Variants in FBXL19 observed in about 807,000 individuals in gnomAD.
The protein encoded by FBXL19 is F-box and leucine rich repeat protein 19.
FBXL19 carries 16 observed loss-of-function variants against 71.2 expected under a neutral mutation model. The ratio of observed to expected loss-of-function variants is 0.22; its 90% confidence interval spans 0.15 to 0.34. FBXL19 has a LOEUF of 0.34. Ranked by LOEUF, FBXL19 falls within the 10% of genes least tolerant of loss-of-function variation. The probability of loss-of-function intolerance (pLI) is 1.00; values close to 1 mark genes in which losing one functional copy is unlikely to be tolerated. For synonymous variants in FBXL19, 447 were observed against 409.4 expected (o/e 1.09, Z -1.11); for missense variants, 658 against 968.2 (o/e 0.68, Z 4.25).
At position 30,924,208 on chromosome 16, in the gene FBXL19, C is replaced by T. The variant is rs1209754833; in HGVS notation, c.-276C>T. ...TGGGGGGGCTGAGGGACTGAGCCTCCCAGAGCAGGACCTCCCCCTGGAAGG... is the reference window on the plus strand; with the variant it reads ...TGGGGGGGCTGAGGGACTGAGCCTCTCAGAGCAGGACCTCCCCCTGGAAGG... On this transcript the variant is annotated 5_prime_UTR_variant, in exon 1 of 11. Transcript: ENST00000338343. 6.6e-6 allele frequency: 1 copy of T among 152,114 alleles called. No homozygotes were observed. Among genetic ancestry groups the T allele is most frequent in the Non-Finnish European group, 1.5e-5 (1 of 68,060 alleles). The allele number at this position is 152,114 out of a possible 1,614,324, so 9.4% of individuals were successfully genotyped here. A position where few individuals can be genotyped will look rare whatever the true frequency, so the allele number is the denominator to read the frequency against.
chr16:30,943,236 T>G (rs1367218364), intron 9 of FBXL19, among the ~76,000 whole-genome samples: 1 of 152,212 alleles, frequency 6.6e-6, no homozygotes, highest in Non-Finnish European at 1.5e-5. Context: ...TCACCCAGAC[T>G]GGAGTGCAGT....
rs1596651395 is a variant in FBXL19 at position 30,930,284 on chromosome 16, G to A, written c.1001G>A (p.Arg334Gln). The A allele has an allele frequency of 1.9e-6, 3 of 1,612,376 alleles. No homozygotes were observed. Among genetic ancestry groups the A allele is most frequent in the Non-Finnish European group, 2.5e-6 (3 of 1,179,578 alleles). Residue 334 changes from arginine (R) to glutamine (Q), a missense_variant, in exon 7 of 11, where the codon CGA becomes CAA. Arg to Gln is a conservative substitution (Grantham distance 43). This residue lies in a region of FBXL19 where 447 missense variants were observed against 515.4 expected (regional missense o/e 0.87). Transcript: ENST00000338343. The surrounding 1 kb of genome is among the most constrained non-coding windows in gnomAD (Gnocchi z 8.5). The part of the protein sequence containing the change: ...DEAPGEARNG[R>Q]RPARGSSGEK... ...GCCCCCGGCGAGGCCCGGAATGGGC[G>A]ACGGCCAGCCCGGGGCAGCTCTGGC...
chr16:30,927,111 G>C (rs932264660), intron 2 of FBXL19, among the ~76,000 whole-genome samples, 197 bp from the exon 3 acceptor site: 2 of 152,240 alleles, frequency 1.3e-5, no homozygotes, highest in African/African-American at 2.4e-5. Context: ...CCATTCTGCA[G>C]ATGCAGAAAC....
Position 30,942,662 on chromosome 16 carries a change from G to T in FBXL19, c.1627+126G>T. 7.1e-7 allele frequency: 1 copy of T among 1,411,882 alleles called. No homozygotes were observed. The highest frequency in any genetic ancestry group is 9.2e-7 in the Non-Finnish European group (1 of 1,081,498). 87.5% of individuals were successfully genotyped at this position (1,411,882 alleles called of 1,614,324 possible). ...AAGAAAGGAAAGAATACATGAGTTT[G>T]AATAGGAAGGCCCTGGTTGGGCATT... On this transcript the variant is annotated intron_variant, in intron 9 of 10. Coordinates refer to ENST00000338343, the MANE Select transcript of FBXL19 (RefSeq NM_001382779.1). The surrounding 1 kb of genome is among the most constrained non-coding windows in gnomAD (Gnocchi z 5.7).
At position 30,928,563 on chromosome 16, in the gene FBXL19, A is replaced by G. The variant is rs1357996895; in HGVS notation, c.724A>G (p.Arg242Gly). 3 of 1,607,648 alleles carry G rather than the reference A, an allele frequency of 1.9e-6. No individual in the cohort carries two copies. The highest frequency in any genetic ancestry group is 1.1e-5 in the South Asian group (1 of 90,194). Residue 242 changes from arginine (R) to glycine (G), a missense_variant, in exon 6 of 11, where the codon AGG becomes GGG. Physicochemically the swap from Arg to Gly is moderately radical, Grantham distance 125. Transcript: ENST00000338343. Reference protein sequence around the residue: ...DPGGPGLLPPRVLNPSQAFSS... With the variant: ...DPGGPGLLPPGVLNPSQAFSS... ...AGGCGGCCCGGGCCTGCTGCCCCCC[A>G]GGGTTCTGAATCCGAGCCAGGCTTT...
At position 30,925,517 on chromosome 16, in the gene FBXL19, G is replaced by A; in HGVS notation, c.-24-214G>A. ...CCTGAGGAGGCGGTAGAGGAGCGAGGCCAGGAAGCAGTTCTTGGGCTCCTC... is the reference window on the plus strand; with the variant it reads ...CCTGAGGAGGCGGTAGAGGAGCGAGACCAGGAAGCAGTTCTTGGGCTCCTC... On this transcript the variant is annotated intron_variant, in intron 1 of 10. Transcript: ENST00000338343. This position sits in a 1 kb window ranked among gnomAD's most constrained non-coding sequence, Gnocchi z 5.0. 1 of 460,924 alleles carries A rather than the reference G, an allele frequency of 2.2e-6. No individual in the cohort carries two copies. The highest frequency in any genetic ancestry group is 3.7e-6 in the Non-Finnish European group (1 of 272,126). 28.6% of individuals were successfully genotyped at this position (460,924 alleles called of 1,614,324 possible). A position where few individuals can be genotyped will look rare whatever the true frequency, so the allele number is the denominator to read the frequency against.
At chr16:30,931,445 A>C (rs1225985187) in intron 7 of FBXL19, among the ~76,000 whole-genome samples, 1 of 152,218 alleles carries the variant, frequency 6.6e-6, no homozygotes, top group Non-Finnish European at 1.5e-5. Flanking sequence ...TGTTGCAGTA[A>C]ACGAGGCTAT....
rs775370446 is a variant in FBXL19 at position 30,942,327 on chromosome 16, G to C, written c.1465+48G>C. 6.2e-7 allele frequency: 1 copy of C among 1,601,942 alleles called. No homozygotes were observed. Among genetic ancestry groups the C allele is most frequent in the Admixed American group, 1.7e-5 (1 of 58,864 alleles). On this transcript the variant is annotated intron_variant, in intron 8 of 10. Coordinates refer to ENST00000338343, the MANE Select transcript of FBXL19 (RefSeq NM_001382779.1). The surrounding 1 kb of genome is among the most constrained non-coding windows in gnomAD (Gnocchi z 5.7). ...CAGGGTGGGGACAGGGACAGGCCTG[G>C]GATGGAGTCCTCACAGCACCTGCTT...
At chr16:30,927,182 G>A in intron 2 of FBXL19, 126 bp from the exon 3 acceptor site, 1 of 975,804 alleles carries the variant, frequency 1.0e-6, no homozygotes, top group Non-Finnish European at 1.5e-6. Flanking sequence ...AGCAAACTCA[G>A]GATCAGACCC....
chr16:30,937,136 C>T (rs147081443), intron 7 of FBXL19, among the ~76,000 whole-genome samples: 1 of 152,144 alleles, frequency 6.6e-6, no homozygotes, highest in Non-Finnish European at 1.5e-5. Context: ...TGGGACAGTG[C>T]CTGGCACACA....
chr16:30,931,753 G>A (rs2055676115), intron 7 of FBXL19, among the ~76,000 whole-genome samples: 1 of 151,992 alleles, frequency 6.6e-6, no homozygotes, highest in Non-Finnish European at 1.5e-5. Flanking sequence ...TTAAGACGGA[G>A]CCTCACTCTG....
chr16:30,933,246 G>A (rs1034857309), intron 7 of FBXL19, among the ~76,000 whole-genome samples: 8 of 151,280 alleles, frequency 5.3e-5, no homozygotes, highest in Non-Finnish European at 1.2e-4. Flanking sequence ...CAGGTGATTC[G>A]CCTGCCTCAG....
In FBXL19 at chr16:30,925,235, C is replaced by CG. The variant is rs981050192; in HGVS notation, c.-24-489dup. 5.6e-5 allele frequency among the ~76,000 whole-genome samples: 8 copies of CG among 143,504 alleles called. No individual in the cohort carries two copies. The highest frequency in any genetic ancestry group is 2.1e-4 in the East Asian group (1 of 4,870). 94.1% of individuals were successfully genotyped at this position (143,504 alleles called of 152,430 possible). A position where few individuals can be genotyped will look rare whatever the true frequency, so the allele number is the denominator to read the frequency against. ...GCTGTGGATGAAAAGGTTGGTGGGG[C>CG]GGGGGGGAGGAAAAGTCCGGAGCTT... On this transcript the variant is annotated intron_variant, in intron 1 of 10. Coordinates refer to ENST00000338343, the MANE Select transcript of FBXL19 (RefSeq NM_001382779.1). The surrounding 1 kb of genome is among the most constrained non-coding windows in gnomAD (Gnocchi z 5.0).
chr16:30,934,217 A>T lies in FBXL19; in HGVS notation c.1301+3633A>T, dbSNP rs544277803. On this transcript the variant is annotated intron_variant, in intron 7 of 10. Transcript: ENST00000338343. ...TCTCTACTAGAAATACAAAAAATTT[A>T]GCCAGGCATGGTGGCATACATCTGT... Among the ~76,000 whole-genome samples the T allele has an allele frequency of 5.9e-5, 9 of 151,602 alleles. No homozygotes were observed. The East Asian group carries it at 1.8e-3, about 30-fold the overall frequency.
chr16:30,942,571 TG>T lies in FBXL19; in HGVS notation c.1627+38del. On this transcript the variant is annotated intron_variant, in intron 9 of 10. Coordinates refer to ENST00000338343, the MANE Select transcript of FBXL19 (RefSeq NM_001382779.1). The surrounding 1 kb of genome is among the most constrained non-coding windows in gnomAD (Gnocchi z 5.7). ...CTGTTTGCTTTTCTGGAGAATGGGCTGGGCAAGGGTAGGGTAGGAGGCCTCT... is the reference window on the plus strand; with the variant it reads ...CTGTTTGCTTTTCTGGAGAATGGGCTGGCAAGGGTAGGGTAGGAGGCCTCT... 1 of 1,537,530 alleles carries T rather than the reference TG, an allele frequency of 6.5e-7. No homozygotes were observed. The highest frequency in any genetic ancestry group is 8.8e-7 in the Non-Finnish European group (1 of 1,140,190).
At position 30,930,526 on chromosome 16, in the gene FBXL19, C is replaced by G; in HGVS notation, c.1243C>G (p.His415Asp). Residue 415 changes from histidine to aspartate, a missense_variant, in exon 7 of 11, where the codon CAC (histidine) becomes GAC (aspartate). Transcript: ENST00000338343. This position sits in a 1 kb window ranked among gnomAD's most constrained non-coding sequence, Gnocchi z 8.5. ...GGCCGCCTGGCTTCGCGTCTTCCAGCACCTCGGGCCGCGGGAGCTGTGTAT... is the reference window on the plus strand; with the variant it reads ...GGCCGCCTGGCTTCGCGTCTTCCAGGACCTCGGGCCGCGGGAGCTGTGTAT... ...PRAAWLRVFQ[H>D]LGPRELCICM... The G allele has an allele frequency of 6.6e-7, 1 of 1,511,352 alleles. No homozygotes were observed. Among genetic ancestry groups the G allele is most frequent in the Non-Finnish European group, 8.8e-7 (1 of 1,137,364 alleles). 93.6% of individuals were successfully genotyped at this position (1,511,352 alleles called of 1,614,324 possible).
Position 30,945,486 on chromosome 16 carries a change from C to A in FBXL19, c.1628-1244C>A, listed in dbSNP as rs553378193. Among the ~76,000 whole-genome samples the A allele has an allele frequency of 4.0e-5, 6 of 151,140 alleles. No individual in the cohort carries two copies. In the East Asian group the frequency reaches 1.2e-3, roughly 30 times the overall value. On this transcript the variant is annotated intron_variant, in intron 9 of 10. Transcript: ENST00000338343. ...ACCAGCCTGGCCAACATGGTGAAAC[C>A]CCATCTCTACTAAAAAAATACAAAA... is the stretch of plus-strand genomic sequence containing the variant.
chr16:30,932,223 A>G (rs2055682767), intron 7 of FBXL19, among the ~76,000 whole-genome samples: 1 of 152,206 alleles, frequency 6.6e-6, no homozygotes, highest in African/African-American at 2.4e-5. Flanking sequence ...TGTAGCCAGT[A>G]TTTACTTAGT....
chr16:30,948,495 C>CA lies in FBXL19; in HGVS notation c.*1265_*1266insA, dbSNP rs1250917744. The CA allele has an allele frequency of 1.3e-5, 2 of 151,996 alleles. No individual in the cohort carries two copies. The highest frequency in any genetic ancestry group is 6.5e-5 in the Admixed American group (1 of 15,278). 9.4% of individuals were successfully genotyped at this position (151,996 alleles called of 1,614,324 possible). On this transcript the variant is annotated 3_prime_UTR_variant, in exon 11 of 11. Transcript: ENST00000338343. ...CCCGGGGATGAGCCGGGCCAGGTCC[C>CA]GCCCCTCCGCGCAGGCCTCCGGGGG...
Sources: allele counts gnomAD v4.1 joint callset (sites outside exome capture counted in the v4.1 genomes callset), GRCh38; gene constraint gnomAD v4.1.1; regional missense constraint gnomAD v4.1.1; non-coding constraint Gnocchi (gnomAD v3.1); transcripts MANE v1.5; gene names NCBI Gene and HGNC (gene_info 2026-07-23, HGNC 2026-07-21).